Variants in LUZP2 observed in about 807,000 individuals in gnomAD.
The protein encoded by LUZP2 is leucine zipper protein 2.
LUZP2 carries 52 observed loss-of-function variants against 51.6 expected under a neutral mutation model. The observed-to-expected ratio is 1.01, with a 90% confidence interval of 0.81 to 1.27. The LOEUF (loss-of-function observed/expected upper bound fraction) is 1.27, where lower values mean the gene tolerates loss of function less well. Ranked by LOEUF, LUZP2 falls within the 50% of genes most tolerant of loss-of-function variation. The pLI, the probability that LUZP2 is intolerant of heterozygous loss-of-function variation, is 0.00. For synonymous variants in LUZP2, 154 were observed against 137.3 expected, an observed-to-expected ratio of 1.12 and a Z score of -0.85; for missense variants, 436 against 395.4, an observed-to-expected ratio of 1.10 and a Z score of -0.87.
rs577171631 is a variant in LUZP2 at position 25,075,564 on chromosome 11, A to C, written c.859-1765A>C. 3.3e-3 allele frequency among the ~76,000 whole-genome samples: 505 copies of C among 152,308 alleles called. 3 individuals carry two copies. Among genetic ancestry groups the C allele is most frequent in the African/African-American group, 0.012 (481 of 41,550 alleles). ...GTTATTCACAATATATTGGGGAGGC[A>C]GGCATGATTACACATATAAAAACAA... On this transcript the variant is annotated intron_variant, in intron 10 of 11. Coordinates refer to ENST00000336930, the MANE Select transcript of LUZP2 (RefSeq NM_001009909.4).
At position 24,670,353 on chromosome 11, in the gene LUZP2, G is replaced by C. The variant is rs144956179; in HGVS notation, c.63-58816G>C. Among the ~76,000 whole-genome samples the C allele has an allele frequency of 1.9e-4, 29 of 152,140 alleles. No homozygotes were observed. The East Asian group carries it at 5.0e-3, about 26-fold the overall frequency. On this transcript the variant is annotated intron_variant, in intron 1 of 11. Transcript: ENST00000336930. The stretch of plus-strand genomic sequence containing the variant: ...ATAATAACAGTCACAGCCACTACAA[G>C]TTAACCCTAGAATGTTGTCATTCCC...
chr11:25,060,640 A>C (rs1330002998), intron 10 of LUZP2, among the ~76,000 whole-genome samples: 1 of 152,242 alleles, frequency 6.6e-6, no homozygotes, highest in Admixed American at 6.5e-5. Flanking sequence ...ATGAGATAAA[A>C]TGAGGTTAAA....
intron 11 of LUZP2, among the ~76,000 whole-genome samples, chr11:25,078,091 A>G (rs186176064): frequency 7.2e-5 from 11 of 152,326 alleles, no homozygotes; most frequent in African/African-American, 2.4e-4. Context: ...TTGAGGAAGC[A>G]GAGGAGGTGA....
At chr11:24,518,644 GT>G (rs1564964937) in intron 1 of LUZP2, among the ~76,000 whole-genome samples, 1 of 152,222 alleles carries the variant, frequency 6.6e-6, no homozygotes, top group East Asian at 1.9e-4. Context: ...TATTAGGGTT[GT>G]TTTCTTCTTG....
At chr11:25,005,281 G>A (rs555987975) in intron 9 of LUZP2, among the ~76,000 whole-genome samples, 1 of 152,206 alleles carries the variant, frequency 6.6e-6, no homozygotes, top group Non-Finnish European at 1.5e-5. Context: ...GAGCTGAAAG[G>A]TCCTCCTGTG....
intron 5 of LUZP2, among the ~76,000 whole-genome samples, chr11:24,830,499 A>G (rs926605786): frequency 6.7e-6 from 1 of 150,286 alleles, no homozygotes; most frequent in Admixed American, 6.7e-5. Context: ...AGTGACACAC[A>G]AAAGACACAC....
In LUZP2 at chr11:24,948,814, A is replaced by G. The variant is rs7927207; in HGVS notation, c.523-27777A>G. Among the ~76,000 whole-genome samples, 40 of 64,612 alleles carry G rather than the reference A, an allele frequency of 6.2e-4. 1 individual carries two copies. The highest frequency in any genetic ancestry group is 6.5e-4 in the South Asian group (1 of 1,550). The allele number at this position is 64,612 out of a possible 152,430, so 42.4% of individuals were successfully genotyped here. A position where few individuals can be genotyped will look rare whatever the true frequency, so the allele number is the denominator to read the frequency against. On this transcript the variant is annotated intron_variant, in intron 7 of 11. Coordinates refer to ENST00000336930, the MANE Select transcript of LUZP2 (RefSeq NM_001009909.4). ...CTTCCTCTTGAAACTCTATCTATCTATCTATCTATCATCTATCTATCTATC... is the reference window on the plus strand; with the variant it reads ...CTTCCTCTTGAAACTCTATCTATCTGTCTATCTATCATCTATCTATCTATC...
intron 5 of LUZP2, among the ~76,000 whole-genome samples, chr11:24,893,926 A>G (rs1852938478): frequency 6.6e-6 from 1 of 152,116 alleles, no homozygotes; most frequent in Non-Finnish European, 1.5e-5. Context: ...CTGCTTTACA[A>G]TTAGTAGAGA....
At chr11:24,712,305 C>G (rs1447364865) in intron 1 of LUZP2, among the ~76,000 whole-genome samples, 1 of 151,980 alleles carries the variant, frequency 6.6e-6, no homozygotes, top group Non-Finnish European at 1.5e-5. Context: ...CTCAGCTACT[C>G]ACATACTCAG....
At chr11:24,737,633 T>TA (rs1192180601) in intron 3 of LUZP2, among the ~76,000 whole-genome samples, 1 of 152,152 alleles carries the variant, frequency 6.6e-6, no homozygotes, top group East Asian at 1.9e-4. Context: ...TATGTGCTAC[T>TA]GAGCTTGAGA....
At chr11:25,033,315 G>A (rs7111172) in intron 9 of LUZP2, among the ~76,000 whole-genome samples, 88,293 of 152,006 alleles carry the variant, frequency 0.58, 26,772 homozygotes, top group African/African-American at 0.76. Flanking sequence ...CTAGGTGCCC[G>A]GTATGCTAAG....
Position 24,889,535 on chromosome 11 carries a change from G to T in LUZP2, c.397-16456G>T, listed in dbSNP as rs1403417455. On this transcript the variant is annotated intron_variant, in intron 5 of 11. Coordinates refer to ENST00000336930, the MANE Select transcript of LUZP2 (RefSeq NM_001009909.4). ...AATGATCATTAATCATAAGTGAAAA[G>T]GTTAAATTGGTAAATTGTCTGAGGA... Among the ~76,000 whole-genome samples the T allele has an allele frequency of 6.6e-5, 10 of 152,152 alleles. No individual in the cohort carries two copies. In the East Asian group the frequency reaches 1.7e-3, roughly 26 times the overall value.
At chr11:24,642,818 T>C (rs1418679117) in intron 1 of LUZP2, among the ~76,000 whole-genome samples, 2 of 152,130 alleles carry the variant, frequency 1.3e-5, no homozygotes. Flanking sequence ...GGAAAATTAC[T>C]AAGAGGATAT....
At chr11:24,598,255 T>C (rs532447790) in intron 1 of LUZP2, among the ~76,000 whole-genome samples, 37 of 151,896 alleles carry the variant, frequency 2.4e-4, no homozygotes, top group Non-Finnish European at 5.0e-4. Flanking sequence ...CCCCAAGAAG[T>C]GAGAGACAAT....
chr11:24,949,096 A>G (rs1854993377), intron 7 of LUZP2, among the ~76,000 whole-genome samples: 1 of 151,660 alleles, frequency 6.6e-6, no homozygotes, highest in Admixed American at 6.6e-5. Context: ...TCTGAAAACT[A>G]GGAGAGCCAG....
chr11:24,667,429 C>A (rs932414502), intron 1 of LUZP2, among the ~76,000 whole-genome samples: 7 of 152,080 alleles, frequency 4.6e-5, no homozygotes, highest in Admixed American at 1.3e-4. Context: ...TCGTGATCTG[C>A]CGTCCTCAGC....
At chr11:24,850,781 C>G (rs1267251902) in intron 5 of LUZP2, among the ~76,000 whole-genome samples, 1 of 152,062 alleles carries the variant, frequency 6.6e-6, no homozygotes, top group Non-Finnish European at 1.5e-5. Context: ...TTGTTTGTGT[C>G]CTCTCTGATT....
At chr11:24,864,000 AAATTACTGTAC>A (rs140333418) in intron 5 of LUZP2, among the ~76,000 whole-genome samples, 23,972 of 152,104 alleles carry the variant, frequency 0.16, 2,048 homozygotes, top group African/African-American at 0.22. Flanking sequence ...AAAATAATAA[AAATTACTGTAC>A]AATGGGTAAC....
At chr11:24,510,868 C>T (rs1362439220) in intron 1 of LUZP2, among the ~76,000 whole-genome samples, 1 of 152,118 alleles carries the variant, frequency 6.6e-6, no homozygotes, top group African/African-American at 2.4e-5. Flanking sequence ...GGTAAGTTAG[C>T]CATGTCAGTA....
Sources: allele counts gnomAD v4.1 joint callset (sites outside exome capture counted in the v4.1 genomes callset), GRCh38; gene constraint gnomAD v4.1.1; transcripts MANE v1.5; gene names NCBI Gene and HGNC (gene_info 2026-07-23, HGNC 2026-07-21).